Variants in PPIL6 observed in about 807,000 individuals in gnomAD.
The protein encoded by PPIL6 is probable inactive peptidyl-prolyl cis-trans isomerase-like 6.
Under a neutral mutation model 36.8 loss-of-function variants are expected in PPIL6, and 39 were observed. That is an observed-to-expected ratio of 1.06 (90% CI 0.82 to 1.38). PPIL6 has a LOEUF of 1.38. PPIL6 is among the 40% of genes most tolerant of loss of function. PPIL6 has a pLI of 0.00. For missense variants in PPIL6, 368 were observed against 379.1 expected (o/e 0.97, Z 0.24); for synonymous variants, 123 against 134.1 (o/e 0.92, Z 0.57).
At chr6:109,420,487 T>C (rs1474846119) in intron 5 of PPIL6, among the ~76,000 whole-genome samples, 1 of 152,232 alleles carries the variant, frequency 6.6e-6, no homozygotes, top group Non-Finnish European at 1.5e-5. Context: ...AACAAGGTTT[T>C]TTTCAGGTGT....
chr6:109,423,172 G>C (rs1773639016), intron 5 of PPIL6, among the ~76,000 whole-genome samples: 1 of 152,042 alleles, frequency 6.6e-6, no homozygotes, highest in Non-Finnish European at 1.5e-5. Flanking sequence ...TTCAAGACCA[G>C]TCTGGCCAAC....
rs570390787 is a variant in PPIL6 at position 109,406,696 on chromosome 6, T to A, written c.689-6526A>T. On this transcript the variant is annotated intron_variant, in intron 6 of 7. Transcript: ENST00000521072. ...TCATATAGGAAAGGTGGTGCTTGAT[T>A]CTTTCCCTATACATACCACTTTTCA... Among the ~76,000 whole-genome samples, 13 of 152,334 alleles carry A rather than the reference T, an allele frequency of 8.5e-5. No individual in the cohort carries two copies. The South Asian group carries it at 2.5e-3, about 29-fold the overall frequency.
chr6:109,433,374 A>C (rs1774268414), intron 2 of PPIL6, among the ~76,000 whole-genome samples: 1 of 152,218 alleles, frequency 6.6e-6, no homozygotes, highest in Non-Finnish European at 1.5e-5. Context: ...AGAACTTTCT[A>C]AACGGGAGAA....
intron 7 of PPIL6, among the ~76,000 whole-genome samples, chr6:109,398,781 C>T (rs1322525795): frequency 1.3e-5 from 2 of 152,166 alleles, no homozygotes; most frequent in Non-Finnish European, 2.9e-5. Flanking sequence ...CACCTCTTCA[C>T]TTCTACATAT....
chr6:109,397,668 G>A (rs1455633532), intron 7 of PPIL6, among the ~76,000 whole-genome samples: 1 of 152,106 alleles, frequency 6.6e-6, no homozygotes, highest in African/African-American at 2.4e-5. Context: ...GACCTGGAAT[G>A]CCACTCTAGA....
At chr6:109,429,541 C>T (rs1438917585) in intron 3 of PPIL6, among the ~76,000 whole-genome samples, 1 of 152,156 alleles carries the variant, frequency 6.6e-6, no homozygotes, top group African/African-American at 2.4e-5. Context: ...GGGCCAGATT[C>T]TCCCTCTCCC....
chr6:109,409,566 C>CAA (rs760716812), intron 6 of PPIL6, among the ~76,000 whole-genome samples: 1 of 131,756 alleles, frequency 7.6e-6, no homozygotes, highest in Non-Finnish European at 1.6e-5. Context: ...GACTCCATCT[C>CAA]AAAAAAAAAA....
chr6:109,439,738 C>T (rs565497639), intron 1 of PPIL6, among the ~76,000 whole-genome samples: 1 of 152,270 alleles, frequency 6.6e-6, no homozygotes, highest in South Asian at 2.1e-4. Flanking sequence ...TGAGCTTCGG[C>T]GAGAAGTTTG....
intron 1 of PPIL6, among the ~76,000 whole-genome samples, chr6:109,437,613 G>C (rs529102684): frequency 1.4e-5 from 2 of 143,544 alleles, no homozygotes; most frequent in Admixed American, 7.3e-5. Context: ...GGAGTGCAGC[G>C]GTGTGACCTC....
chr6:109,428,394 A>G (rs1430615711), intron 3 of PPIL6, among the ~76,000 whole-genome samples: 1 of 151,942 alleles, frequency 6.6e-6, no homozygotes, highest in African/African-American at 2.4e-5. Context: ...TTACAAAAAA[A>G]TTAAGAAATT....
Position 109,391,977 on chromosome 6 carries a change from C to G in PPIL6, c.*849G>C, listed in dbSNP as rs1454365251. On this transcript the variant is annotated 3_prime_UTR_variant, in exon 8 of 8. Transcript: ENST00000521072. ...TACAAACAAGAACATAATTCTATTA[C>G]AAATGTCTTAGGCTATCAGGTGTGT... The G allele has an allele frequency of 6.6e-6, 1 of 152,168 alleles. No individual in the cohort carries two copies. Among genetic ancestry groups the G allele is most frequent in the African/African-American group, 2.4e-5 (1 of 41,440 alleles). 9.4% of individuals were successfully genotyped at this position (152,168 alleles called of 1,614,324 possible). A position where few individuals can be genotyped will look rare whatever the true frequency, so the allele number is the denominator to read the frequency against.
At chr6:109,434,249 G>A (rs1480769881) in intron 2 of PPIL6, among the ~76,000 whole-genome samples, 1 of 152,086 alleles carries the variant, frequency 6.6e-6, no homozygotes, top group Non-Finnish European at 1.5e-5. Flanking sequence ...CCGAGTTGTT[G>A]GAAGGATTAT....
chr6:109,397,625 A>C (rs570956147), intron 7 of PPIL6, among the ~76,000 whole-genome samples: 1 of 152,186 alleles, frequency 6.6e-6, no homozygotes, highest in East Asian at 1.9e-4. Context: ...AAACAGCAGA[A>C]GTGAAGGCTG....
intron 5 of PPIL6, among the ~76,000 whole-genome samples, chr6:109,423,136 G>A (rs1047919822): frequency 6.6e-6 from 1 of 152,148 alleles, no homozygotes; most frequent in Non-Finnish European, 1.5e-5. Flanking sequence ...GGAGGCTGAG[G>A]TGGGCAGATC....
intron 6 of PPIL6, 36 bp from the exon 7 acceptor site, chr6:109,400,206 T>C (rs759343846): frequency 7.3e-5 from 114 of 1,557,734 alleles, no homozygotes; most frequent in Non-Finnish European, 9.8e-5. Context: ...CATTAGCACA[T>C]TTCTATTATC....
intron 5 of PPIL6, among the ~76,000 whole-genome samples, chr6:109,426,085 G>A (rs1209766872): frequency 6.6e-6 from 1 of 152,210 alleles, no homozygotes; most frequent in African/African-American, 2.4e-5. Flanking sequence ...TGATCTCACT[G>A]TGGAGAAACC....
intron 7 of PPIL6, among the ~76,000 whole-genome samples, chr6:109,399,542 A>G (rs1309385984): frequency 1.3e-5 from 2 of 152,158 alleles, no homozygotes; most frequent in Non-Finnish European, 1.5e-5. Flanking sequence ...GGCTGGAATT[A>G]CAGGCACATG....
At chr6:109,393,364 G>A (rs1043464685) in intron 7 of PPIL6, among the ~76,000 whole-genome samples, 4 of 152,010 alleles carry the variant, frequency 2.6e-5, no homozygotes, top group African/African-American at 9.7e-5. Context: ...CTTACCAGGT[G>A]TGTGCCACTA....
At chr6:109,440,275 C>T in intron 1 of PPIL6, 181 bp downstream of exon 1, 1 of 766,866 alleles carries the variant, frequency 1.3e-6, no homozygotes, top group South Asian at 1.5e-5. Context: ...CGCACTTGCC[C>T]CCCTATACTC....
Sources: gnomAD v4.1 joint callset for allele counts (sites outside exome capture counted in the v4.1 genomes callset) on GRCh38, gnomAD v4.1.1 for gene constraint, MANE v1.5 for transcripts, NCBI Gene and HGNC (gene_info 2026-07-23, HGNC 2026-07-21) for gene names.